The following FAM8A1 variants were observed in gnomAD, a reference collection of about 807,000 sequenced individuals.
FAM8A1 encodes the protein family with sequence similarity 8 member A1.
A neutral mutation model predicts 38.3 loss-of-function variants in FAM8A1; 18 were observed. That is an observed-to-expected ratio of 0.47 (90% CI 0.33 to 0.70). The LOEUF (loss-of-function observed/expected upper bound fraction) is 0.70. FAM8A1 is among the 30% of genes least tolerant of loss of function. The pLI is 0.03. For missense variants in FAM8A1, 559 were observed against 559.6 expected (o/e 1.00, Z 0.01); for synonymous variants, 246 against 234.4 (o/e 1.05, Z -0.45).
chr6:17,600,952 G>A lies in FAM8A1; in HGVS notation c.543G>A (p.Gly181=). The A allele has an allele frequency of 6.3e-7, 1 of 1,592,430 alleles. No individual in the cohort carries two copies. Residue 181 remains glycine, a synonymous_variant, in exon 1 of 5, where the codon GGG becomes GGA. Coordinates refer to ENST00000259963, the MANE Select transcript of FAM8A1 (RefSeq NM_016255.3). ...ACCCCTTCTACTTCCTGAGCCCCGG[G>A]GCCGCGGGGCCTGACCCGCGGACAG... ...YYNPFYFLSP[G]AAGPDPRTAA...
Position 17,608,202 on chromosome 6 carries a change from A to C in FAM8A1, c.1105A>C (p.Ile369Leu), listed in dbSNP as rs749118840. Reference sequence around the variant, plus strand: ...TTTGTTTTAACTTTTTAGGTCCACTATCCGAGCTTTGATCAAGAATTTTTC... The same window carrying C: ...TTTGTTTTAACTTTTTAGGTCCACTCTCCGAGCTTTGATCAAGAATTTTTC... ...SSNVSITTST[I>L]RALIKNFSIA... The change falls in exon 5 of 5, where the codon ATC becomes CTC. Residue 369 changes from isoleucine to leucine, a missense_variant. Physicochemically the swap from Ile to Leu is conservative, Grantham distance 5 (BLOSUM62 2). This residue lies in a region of FAM8A1 where 166 missense variants were observed against 220.8 expected (regional missense o/e 0.75). Transcript: ENST00000259963. 1.9e-6 allele frequency: 3 copies of C among 1,605,506 alleles called. No homozygotes were observed. The highest frequency in any genetic ancestry group is 4.5e-5 in the East Asian group (2 of 44,474).
chr6:17,607,186 G>T (rs1017728253), intron 4 of FAM8A1, among the ~76,000 whole-genome samples: 2 of 150,236 alleles, frequency 1.3e-5, no homozygotes, highest in African/African-American at 4.9e-5. Flanking sequence ...ATGAACCCGG[G>T]AGGCAGAGCT....
At chr6:17,604,837 T>C (rs984048892) in intron 2 of FAM8A1, 69 bp from the exon 3 acceptor site, 5 of 1,291,560 alleles carry the variant, frequency 3.9e-6, no homozygotes, top group East Asian at 5.3e-5. Context: ...CTTGCACTAA[T>C]GAAAAAAAAG....
At chr6:17,604,016 T>C (rs1764020522) in intron 2 of FAM8A1, among the ~76,000 whole-genome samples, 1 of 152,184 alleles carries the variant, frequency 6.6e-6, no homozygotes, top group Non-Finnish European at 1.5e-5. Flanking sequence ...AAAACCAAAG[T>C]GATCATAAAT....
rs898991131 is a variant in FAM8A1 at position 17,600,719 on chromosome 6, A to C, written c.310A>C (p.Arg104=). Residue 104 remains arginine, a synonymous_variant, in exon 1 of 5, where the codon AGA becomes CGA. Coordinates refer to ENST00000259963, the MANE Select transcript of FAM8A1 (RefSeq NM_016255.3). ...EAPEAAAPRE[R]PARLSAREYS... ...GCCCGAAGCCGCGGCGCCACGAGAG[A>C]GACCAGCTCGGCTGAGCGCCCGCGA... 6.4e-7 allele frequency: 1 copy of C among 1,569,482 alleles called. No homozygotes were observed. The highest frequency in any genetic ancestry group is 8.6e-7 in the Non-Finnish European group (1 of 1,159,136).
chr6:17,610,654 C>CTT lies in FAM8A1; in HGVS notation c.*2316_*2317dup, dbSNP rs1391185706. On this transcript the variant is annotated 3_prime_UTR_variant, in exon 5 of 5. Transcript: ENST00000259963. ...TTCCAGAACACTTTATTATATTTCA[C>CTT]TTATAGACCTGATTTTCTGTGTCAA... is the stretch of plus-strand genomic sequence containing the variant. The CTT allele has an allele frequency of 6.6e-6, 1 of 152,118 alleles. No individual in the cohort carries two copies. Among genetic ancestry groups the CTT allele is most frequent in the Non-Finnish European group, 1.5e-5 (1 of 67,990 alleles). 9.4% of individuals were successfully genotyped at this position (152,118 alleles called of 1,614,324 possible).
In FAM8A1 at chr6:17,605,908, C is replaced by A. The variant is rs1409735645; in HGVS notation, c.992C>A (p.Pro331Gln). ...ATTTGGGGAGCAGGTGGAGCTACCC[C>A]AGGGAAGTTCCTGCTGGGGCTTCGA... is the stretch of plus-strand genomic sequence containing the variant. ...ICIWGAGGATPGKFLLGLRVV... is the reference protein window; with the variant it reads ...ICIWGAGGATQGKFLLGLRVV... Residue 331 changes from proline (P) to glutamine (Q), a missense_variant, in exon 4 of 5, where the codon CCA (proline) becomes CAA (glutamine). Transcript: ENST00000259963. The A allele has an allele frequency of 6.4e-7, 1 of 1,573,356 alleles. No homozygotes were observed. The highest frequency in any genetic ancestry group is 1.2e-5 in the South Asian group (1 of 86,054).
At chr6:17,606,035 A>G (rs1561841810) in intron 4 of FAM8A1, 22 bp downstream of exon 4, 9 of 1,508,390 alleles carry the variant, frequency 6.0e-6, no homozygotes, top group Non-Finnish European at 7.2e-6. Flanking sequence ...TCTTAGCTTA[A>G]TCTACTACAT....
At chr6:17,601,878 A>G (rs1020972469) in intron 1 of FAM8A1, among the ~76,000 whole-genome samples, 1 of 152,094 alleles carries the variant, frequency 6.6e-6, no homozygotes, top group African/African-American at 2.4e-5. Flanking sequence ...GATTTACTTT[A>G]TACTAATTGC....
At chr6:17,605,343 G>T (rs1764038587) in intron 3 of FAM8A1, among the ~76,000 whole-genome samples, 1 of 152,210 alleles carries the variant, frequency 6.6e-6, no homozygotes, top group Non-Finnish European at 1.5e-5. Context: ...GCCTCCCAAA[G>T]TGCTGGGATT....
chr6:17,605,959 T>A lies in FAM8A1; in HGVS notation c.1043T>A (p.Leu348His). The A allele has an allele frequency of 6.3e-7, 1 of 1,584,580 alleles. No individual in the cohort carries two copies. The highest frequency in any genetic ancestry group is 1.1e-5 in the South Asian group (1 of 87,598). ...LRVVTCDTSV[L>H]IAPSRVLVIP... ...GTTGTGACATGTGATACATCAGTGC[T>A]TATTGCACCAAGTCGGGTTTTAGTG... is the stretch of plus-strand genomic sequence containing the variant. Residue 348 changes from leucine (L) to histidine (H), a missense_variant, in exon 4 of 5, where the codon CTT (leucine) becomes CAT (histidine). Physicochemically the swap from Leu to His is moderately conservative, Grantham distance 99. Coordinates refer to ENST00000259963, the MANE Select transcript of FAM8A1 (RefSeq NM_016255.3).
rs777037451 is a variant in FAM8A1 at position 17,601,773 on chromosome 6, T to A, written c.712+652T>A. On this transcript the variant is annotated intron_variant, in intron 1 of 4. Coordinates refer to ENST00000259963, the MANE Select transcript of FAM8A1 (RefSeq NM_016255.3). ...GACAAGAACTAGTTGATGCCTCTGATCCCAGTCAGAATTTAGGATGACAGA... is the reference window on the plus strand; with the variant it reads ...GACAAGAACTAGTTGATGCCTCTGAACCCAGTCAGAATTTAGGATGACAGA... 5.3e-4 allele frequency among the ~76,000 whole-genome samples: 81 copies of A among 151,612 alleles called. 1 individual carries two copies. The highest frequency in any genetic ancestry group is 5.6e-4 in the Non-Finnish European group (38 of 67,966).
chr6:17,600,332 G>A lies in FAM8A1; in HGVS notation c.-78G>A, dbSNP rs1159683354. On this transcript the variant is annotated 5_prime_UTR_variant, in exon 1 of 5. Coordinates refer to ENST00000259963, the MANE Select transcript of FAM8A1 (RefSeq NM_016255.3). Reference sequence around the variant, plus strand: ...CGCCTGCGGTTGCTGCGGTGGTGACGGGGCTGTTGGGGAGGGGCCATTGGG... The same window carrying A: ...CGCCTGCGGTTGCTGCGGTGGTGACAGGGCTGTTGGGGAGGGGCCATTGGG... 2 of 1,304,880 alleles carry A rather than the reference G, an allele frequency of 1.5e-6. No homozygotes were observed. The highest frequency in any genetic ancestry group is 2.0e-6 in the Non-Finnish European group (2 of 1,025,406). 80.8% of individuals were successfully genotyped at this position (1,304,880 alleles called of 1,614,324 possible). A position where few individuals can be genotyped will look rare whatever the true frequency, so the allele number is the denominator to read the frequency against.
chr6:17,602,816 C>A, intron 2 of FAM8A1, 106 bp downstream of exon 2: 1 of 1,042,200 alleles, frequency 9.6e-7, no homozygotes, highest in Non-Finnish European at 1.3e-6. Flanking sequence ...ATGGGCTTGT[C>A]AGTGTCATGA....
Position 17,609,633 on chromosome 6 carries a change from C to T in FAM8A1, c.*1294C>T, listed in dbSNP as rs568755665. The T allele has an allele frequency of 1.3e-5, 2 of 152,242 alleles. No individual in the cohort carries two copies. Among genetic ancestry groups the T allele is most frequent in the Admixed American group, 1.3e-4 (2 of 15,294 alleles). The allele number at this position is 152,242 out of a possible 1,614,324, so 9.4% of individuals were successfully genotyped here. ...GTGTGTGTGCTTTTCCTAGATGTCC[C>T]AGTTAGCTGTGCTGAGATATACCTG... On this transcript the variant is annotated 3_prime_UTR_variant, in exon 5 of 5. Transcript: ENST00000259963.
In FAM8A1 at chr6:17,600,401, G is replaced by C. The variant is rs753735732; in HGVS notation, c.-9G>C. 12 of 1,410,050 alleles carry C rather than the reference G, an allele frequency of 8.5e-6. No individual in the cohort carries two copies. In the African/African-American group the frequency reaches 1.8e-4, roughly 21 times the overall value. 87.3% of individuals were successfully genotyped at this position (1,410,050 alleles called of 1,614,324 possible). ...GACAGGTATCCCAGAGGGTGCTGCT[G>C]AGGCGACGATGGCCGAGGGGCCCGA... On this transcript the variant is annotated 5_prime_UTR_variant, in exon 1 of 5. Coordinates refer to ENST00000259963, the MANE Select transcript of FAM8A1 (RefSeq NM_016255.3).
intron 4 of FAM8A1, among the ~76,000 whole-genome samples, chr6:17,606,375 T>G (rs1367646390): frequency 6.6e-6 from 1 of 152,084 alleles, no homozygotes; most frequent in Non-Finnish European, 1.5e-5. Flanking sequence ...TAATTTTTTG[T>G]ATTTTTAGTA....
At position 17,609,147 on chromosome 6, in the gene FAM8A1, T is replaced by C. The variant is rs1442352484; in HGVS notation, c.*808T>C. ...TTATGTGCAAGTGTTTTCAGTGCCC[T>C]GAATCAAACTATAAATGTGGGGAGA... is the stretch of plus-strand genomic sequence containing the variant. On this transcript the variant is annotated 3_prime_UTR_variant, in exon 5 of 5. Coordinates refer to ENST00000259963, the MANE Select transcript of FAM8A1 (RefSeq NM_016255.3). 6.6e-6 allele frequency: 1 copy of C among 152,154 alleles called. No individual in the cohort carries two copies. The highest frequency in any genetic ancestry group is 2.4e-5 in the African/African-American group (1 of 41,444). The allele number at this position is 152,154 out of a possible 1,614,324, so 9.4% of individuals were successfully genotyped here.
rs188033038 is a variant in FAM8A1, at chr6:17,603,900, A to G, written c.834-1006A>G. 1.6e-3 allele frequency among the ~76,000 whole-genome samples: 239 copies of G among 151,364 alleles called. 4 individuals carry two copies. Among genetic ancestry groups the G allele is most frequent in the Admixed American group, 0.012 (175 of 15,202 alleles). On this transcript the variant is annotated intron_variant, in intron 2 of 4. Transcript: ENST00000259963. ...CACACCTGGCCCATTTTTTATCATCATTGCTTCTCCCTACTCCGATTACTG... is the reference window on the plus strand; with the variant it reads ...CACACCTGGCCCATTTTTTATCATCGTTGCTTCTCCCTACTCCGATTACTG...
Sources: gnomAD v4.1 joint callset for allele counts (sites outside exome capture counted in the v4.1 genomes callset) on GRCh38, gnomAD v4.1.1 for gene constraint, gnomAD v4.1.1 regional missense constraint, MANE v1.5 for transcripts, NCBI Gene and HGNC (gene_info 2026-07-23, HGNC 2026-07-21) for gene names.